The following RANBP2 variants were observed in gnomAD, a reference collection of about 807,000 sequenced individuals.
RANBP2 encodes E3 SUMO-protein ligase RanBP2.
In RANBP2, 57 loss-of-function variants were observed where a neutral mutation model predicts 303.6. That is an observed-to-expected ratio of 0.19 (90% CI 0.15 to 0.23). RANBP2 has a LOEUF of 0.23. RANBP2 is among the 10% of genes least tolerant of loss of function. The pLI, the probability that RANBP2 is intolerant of heterozygous loss-of-function variation, is 1.00. For missense variants in RANBP2, 3,138 were observed against 3,780.8 expected (o/e 0.83, Z 4.46); for synonymous variants, 1,167 against 1,301.5 (o/e 0.90, Z 2.23).
chr2:109,109,666 T>C, the RANBP2 span, among the ~76,000 whole-genome samples: 1 of 152,224 alleles, frequency 6.6e-6, no homozygotes, highest in African/African-American at 2.4e-5. Flanking sequence ...CCCATCATAC[T>C]TTACAGGCAA....
chr2:108,743,831 T>C (rs2557922), intron 7 of RANBP2, among the ~76,000 whole-genome samples: 11 of 152,278 alleles, frequency 7.2e-5, no homozygotes, highest in East Asian at 3.8e-4. Context: ...AGATACCTAC[T>C]TCAGTCTTTA....
At chr2:109,330,641 C>T in the RANBP2 span, among the ~76,000 whole-genome samples, 16 of 151,572 alleles carry the variant, frequency 1.1e-4, 1 homozygote, top group African/African-American at 2.4e-4. Flanking sequence ...GAGGGAGAGA[C>T]GGAAGGGAGG....
the RANBP2 span, among the ~76,000 whole-genome samples, chr2:109,157,148 A>T: frequency 1.3e-5 from 2 of 152,096 alleles, no homozygotes; most frequent in African/African-American, 4.8e-5. Context: ...CTTGAATTTG[A>T]TGTCCCAGAG....
the RANBP2 span, among the ~76,000 whole-genome samples, chr2:108,919,244 G>C: frequency 5.9e-5 from 9 of 152,218 alleles, no homozygotes; most frequent in Non-Finnish European, 1.3e-4. Flanking sequence ...GAGTAGCAGA[G>C]ATTTCTCCAA....
chr2:109,760,479 C>G, the RANBP2 span: 1 of 968,586 alleles, frequency 1.0e-6, no homozygotes, highest in Non-Finnish European at 1.2e-6. Context: ...TCGCTGCTCT[C>G]TCTTGAGTGT....
chr2:108,815,287 T>C, the RANBP2 span, among the ~76,000 whole-genome samples: 1 of 151,996 alleles, frequency 6.6e-6, no homozygotes, highest in African/African-American at 2.4e-5. Flanking sequence ...TGCTCTTAAG[T>C]TAAGGCTAAT....
At chr2:109,196,162 T>G in the RANBP2 span, among the ~76,000 whole-genome samples, 2 of 152,212 alleles carry the variant, frequency 1.3e-5, no homozygotes, top group East Asian at 3.9e-4. Context: ...ACATGGCTGG[T>G]TGGCCATGGC....
At chr2:109,279,249 G>A in the RANBP2 span, among the ~76,000 whole-genome samples, 1 of 152,200 alleles carries the variant, frequency 6.6e-6, no homozygotes, top group Middle Eastern at 3.2e-3. Context: ...ACTTCTGAAT[G>A]TGGCTTAGCT....
At chr2:108,749,294 TTTG>T (rs754909609) in intron 9 of RANBP2, among the ~76,000 whole-genome samples, 165 bp downstream of exon 9, 21 of 152,044 alleles carry the variant, frequency 1.4e-4, no homozygotes, top group East Asian at 5.8e-4. Flanking sequence ...GCATGTATTT[TTTG>T]TTGTTGTTGT....
the RANBP2 span, among the ~76,000 whole-genome samples, chr2:109,248,753 C>T: frequency 6.7e-6 from 1 of 149,906 alleles, no homozygotes; most frequent in African/African-American, 2.5e-5. Context: ...TCTTTCCTTC[C>T]TTCTCTCTCT....
At chr2:109,278,982 G>A in the RANBP2 span, among the ~76,000 whole-genome samples, 2 of 152,206 alleles carry the variant, frequency 1.3e-5, no homozygotes, top group Admixed American at 1.3e-4. Flanking sequence ...AGACTTGTAG[G>A]TTTCCTCATT....
At chr2:109,328,274 C>T in the RANBP2 span, among the ~76,000 whole-genome samples, 1 of 152,210 alleles carries the variant, frequency 6.6e-6, no homozygotes, top group East Asian at 1.9e-4. Flanking sequence ...CCACTCATGG[C>T]ATAGGATTCC....
chr2:109,313,831 G>A, the RANBP2 span, among the ~76,000 whole-genome samples: 148 of 152,352 alleles, frequency 9.7e-4, 2 homozygotes, highest in African/African-American at 3.1e-3. Flanking sequence ...CAGTGCATGT[G>A]GGGGAGAGGA....
chr2:109,005,655 T>C, the RANBP2 span, among the ~76,000 whole-genome samples: 2 of 152,214 alleles, frequency 1.3e-5, no homozygotes, highest in Admixed American at 6.5e-5. Flanking sequence ...GTTCCCTAAA[T>C]TAAACTGCGG....
At chr2:109,272,285 G>A in the RANBP2 span, among the ~76,000 whole-genome samples, 42 of 152,300 alleles carry the variant, frequency 2.8e-4, no homozygotes, top group South Asian at 6.8e-3. Context: ...CAAAAACTGG[G>A]TCTTGGAGCT....
chr2:108,945,210 C>G, the RANBP2 span, among the ~76,000 whole-genome samples: 1 of 152,192 alleles, frequency 6.6e-6, no homozygotes, highest in Admixed American at 6.5e-5. Context: ...GCGAGCTCCC[C>G]GTCCTGGGGC....
the RANBP2 span, among the ~76,000 whole-genome samples, chr2:109,226,951 G>T: frequency 6.6e-5 from 10 of 152,146 alleles, no homozygotes; most frequent in African/African-American, 2.4e-4. Flanking sequence ...ACCATGGCCG[G>T]GTTCATGGCT....
At chr2:109,552,847 G>T in the RANBP2 span, 1 of 422,906 alleles carries the variant, frequency 2.4e-6, no homozygotes, top group Non-Finnish European at 4.2e-6. Flanking sequence ...TTCATTGTAA[G>T]AATTTCAACG....
At chr2:108,816,675 A>G in the RANBP2 span, among the ~76,000 whole-genome samples, 3 of 152,144 alleles carry the variant, frequency 2.0e-5, no homozygotes, top group African/African-American at 7.2e-5. Context: ...GGCATCCCTC[A>G]TAACCCAGTC....
Sources: gnomAD v4.1 joint callset for allele counts (sites outside exome capture counted in the v4.1 genomes callset) on GRCh38, gnomAD v4.1.1 for gene constraint, MANE v1.5 for transcripts, NCBI Gene and HGNC (gene_info 2026-07-23, HGNC 2026-07-21) for gene names.